Variants in FMNL3 observed in about 807,000 individuals in gnomAD.
The protein encoded by FMNL3 is formin-like protein 3.
FMNL3 carries 57 observed loss-of-function variants against 119.6 expected under a neutral mutation model. The ratio of observed to expected loss-of-function variants is 0.48; its 90% CI spans 0.39 to 0.59. The LOEUF is 0.59. FMNL3 is among the 20% of genes least tolerant of loss of function. The probability of loss-of-function intolerance (pLI) is 0.00; values close to 1 mark genes in which losing one functional copy is unlikely to be tolerated. For missense variants in FMNL3, 1,053 were observed against 1,323.5 expected (o/e 0.80, Z 3.17); for synonymous variants, 491 against 507.3 (o/e 0.97, Z 0.43).
intron 25 of FMNL3, chr12:49,646,530 G>C (rs567895090): frequency 2.8e-5 from 23 of 825,048 alleles, no homozygotes; most frequent in Non-Finnish European, 3.5e-5. Context: ...ATTGCTGGGA[G>C]GCTGCCAGAG....
At chr12:49,674,662 T>C (rs541391816) in intron 1 of FMNL3, among the ~76,000 whole-genome samples, 1 of 152,346 alleles carries the variant, frequency 6.6e-6, no homozygotes, top group South Asian at 2.1e-4. Flanking sequence ...TAAGTGTCTG[T>C]AGTATCTTAG....
rs1941868864 is a variant in FMNL3 at position 49,636,777 on chromosome 12, AGAG to A, written c.*9035_*9037del. ...AGCACATCCGAGCTTTGGAGAGGGA[AGAG>A]GAGGAGGAACGGGAGCGGGCCCGGC... On this transcript the variant is annotated 3_prime_UTR_variant, in exon 26 of 26. Transcript: ENST00000335154. 6.2e-7 allele frequency: 1 copy of A among 1,614,104 alleles called. No homozygotes were observed. Among genetic ancestry groups the A allele is most frequent in the African/African-American group, 1.3e-5 (1 of 74,932 alleles).
intron 21 of FMNL3, 46 bp downstream of exon 21, chr12:49,648,983 C>T: frequency 6.5e-7 from 1 of 1,546,904 alleles, no homozygotes; most frequent in Non-Finnish European, 8.7e-7. Context: ...TGGGATTGTC[C>T]TGGGCTGGAT....
intron 1 of FMNL3, among the ~76,000 whole-genome samples, chr12:49,676,533 T>G (rs563833341): frequency 0.029 from 4,335 of 149,680 alleles, 89 homozygotes; most frequent in Middle Eastern, 0.078. Context: ...TTTTTTTTTT[T>G]TTTTTTTTTT....
rs201024261 is a variant in FMNL3 at position 49,642,039 on chromosome 12, G to A, written c.*3776C>T. Reference sequence around the variant, plus strand: ...CCTTCAATAGTGTGAGGGGCTGGGCGGGGCGTGGGAAGTTCTCTAATTCAT... The same window carrying A: ...CCTTCAATAGTGTGAGGGGCTGGGCAGGGCGTGGGAAGTTCTCTAATTCAT... On this transcript the variant is annotated 3_prime_UTR_variant, in exon 26 of 26. Coordinates refer to ENST00000335154, the MANE Select transcript of FMNL3 (RefSeq NM_175736.5). The surrounding 1 kb of genome is among the most constrained non-coding windows in gnomAD (Gnocchi z 5.8). 21 of 1,609,846 alleles carry A rather than the reference G, an allele frequency of 1.3e-5. No homozygotes were observed. The highest frequency in any genetic ancestry group is 4.5e-5 in the East Asian group (2 of 44,886).
intron 1 of FMNL3, among the ~76,000 whole-genome samples, chr12:49,685,522 G>T (rs1416837787): frequency 6.6e-6 from 1 of 152,016 alleles, no homozygotes; most frequent in African/African-American, 2.4e-5. Context: ...GTGCTAAAGG[G>T]CAGGCCAACA....
chr12:49,637,411 C>A lies in FMNL3; in HGVS notation c.*8404G>T. ...CTCTGCCATTCCCTCTCTTCCCCCTCAGTCTGTGGCTCTGCCTCCCTGTCT... is the reference window on the plus strand; with the variant it reads ...CTCTGCCATTCCCTCTCTTCCCCCTAAGTCTGTGGCTCTGCCTCCCTGTCT... On this transcript the variant is annotated 3_prime_UTR_variant, in exon 26 of 26. Transcript: ENST00000335154. The A allele has an allele frequency of 8.5e-7, 1 of 1,177,756 alleles. No individual in the cohort carries two copies. The highest frequency in any genetic ancestry group is 1.3e-6 in the Non-Finnish European group (1 of 794,580). 73.0% of individuals were successfully genotyped at this position (1,177,756 alleles called of 1,614,324 possible). A position where few individuals can be genotyped will look rare whatever the true frequency, so the allele number is the denominator to read the frequency against.
chr12:49,654,357 G>A, intron 10 of FMNL3, 55 bp from the exon 11 acceptor site: 1 of 1,449,236 alleles, frequency 6.9e-7, no homozygotes, highest in Non-Finnish European at 9.7e-7. Flanking sequence ...GGAAAGGCAA[G>A]AGACCAGGAG....
At chr12:49,705,188 A>G (rs1034942542) in intron 1 of FMNL3, among the ~76,000 whole-genome samples, 3 of 152,220 alleles carry the variant, frequency 2.0e-5, no homozygotes, top group Non-Finnish European at 2.9e-5. Context: ...GCAGCAGCTC[A>G]GGCACACAGA....
At chr12:49,664,336 T>C (rs1341760850) in intron 4 of FMNL3, among the ~76,000 whole-genome samples, 1 of 152,144 alleles carries the variant, frequency 6.6e-6, no homozygotes, top group East Asian at 1.9e-4. Flanking sequence ...GCCCTGGAAG[T>C]TGAGGCTGCA....
chr12:49,684,928 A>G (rs1003035290), intron 1 of FMNL3, among the ~76,000 whole-genome samples: 1 of 152,216 alleles, frequency 6.6e-6, no homozygotes, highest in Non-Finnish European at 1.5e-5. Context: ...AAGGGGCCCA[A>G]GCATACTCTG....
chr12:49,648,927 A>C, intron 21 of FMNL3, 102 bp downstream of exon 21: 1 of 1,486,164 alleles, frequency 6.7e-7, no homozygotes, highest in Non-Finnish European at 9.0e-7. Flanking sequence ...AGATAACAAA[A>C]GCCAGAAACA....
rs1003894620 is a variant in FMNL3, at chr12:49,703,780, A to C, written c.126+3275T>G. Among the ~76,000 whole-genome samples the C allele has an allele frequency of 3.3e-5, 5 of 152,154 alleles. No individual in the cohort carries two copies. The East Asian group carries it at 5.8e-4, about 18-fold the overall frequency. On this transcript the variant is annotated intron_variant, in intron 1 of 25. Transcript: ENST00000335154. Reference sequence around the variant, plus strand: ...GCTCTTCAACTTTGGCTGACAGATCATGTGTCTAGAACAGAAGGCTGGGAG... The same window carrying C: ...GCTCTTCAACTTTGGCTGACAGATCCTGTGTCTAGAACAGAAGGCTGGGAG...
chr12:49,705,790 C>A (rs1945032996), intron 1 of FMNL3, among the ~76,000 whole-genome samples: 2 of 152,218 alleles, frequency 1.3e-5, no homozygotes, highest in Admixed American at 1.3e-4. Context: ...GCCAGCGACA[C>A]CACTTCCCCT....
At position 49,647,465 on chromosome 12, in the gene FMNL3, GC is replaced by G; in HGVS notation, c.2779-98del. ...TGGAGAGTGGGTGGCAGTGGGACCC[GC>G]TAACTCCAGGTGGCCACCCTCTGGA... is the stretch of plus-strand genomic sequence containing the variant. On this transcript the variant is annotated intron_variant, in intron 23 of 25. Coordinates refer to ENST00000335154, the MANE Select transcript of FMNL3 (RefSeq NM_175736.5). The surrounding 1 kb of genome is among the most constrained non-coding windows in gnomAD (Gnocchi z 4.9). 1 of 1,348,962 alleles carries G rather than the reference GC, an allele frequency of 7.4e-7. No homozygotes were observed. Among genetic ancestry groups the G allele is most frequent in the South Asian group, 1.2e-5 (1 of 85,234 alleles). The allele number at this position is 1,348,962 out of a possible 1,614,324, so 83.6% of individuals were successfully genotyped here. A position where few individuals can be genotyped will look rare whatever the true frequency, so the allele number is the denominator to read the frequency against.
chr12:49,649,526 T>G lies in FMNL3; in HGVS notation c.2248A>C (p.Ile750Leu), dbSNP rs1166957299. ...LQMLTPQLNA[I>L]IAASASVKSS... ...TTGACGGAAGCGGACGCCGCAATGA[T>G]GGCATTGAGTTGCTGTAGGACAATA... Residue 750 changes from isoleucine to leucine, a missense_variant, in exon 19 of 26, where the codon ATC becomes CTC. By Grantham distance (5) the Ile-to-Leu change is conservative. This residue lies in a region of FMNL3 where 324 missense variants were observed against 380.9 expected (regional missense o/e 0.85). Coordinates refer to ENST00000335154, the MANE Select transcript of FMNL3 (RefSeq NM_175736.5). The surrounding 1 kb of genome is among the most constrained non-coding windows in gnomAD (Gnocchi z 5.6). 5.6e-6 allele frequency: 9 copies of G among 1,614,062 alleles called. No individual in the cohort carries two copies. Among genetic ancestry groups the G allele is most frequent in the African/African-American group, 2.7e-5 (2 of 74,922 alleles).
Position 49,636,830 on chromosome 12 carries a change from A to G in FMNL3, c.*8985T>C, listed in dbSNP as rs1941878980. ...CTTCGGGAGCGACGCCAACAACGCA[A>G]GAATCGGGAGGCCTTCCAGGTATCT... On this transcript the variant is annotated 3_prime_UTR_variant, in exon 26 of 26. Coordinates refer to ENST00000335154, the MANE Select transcript of FMNL3 (RefSeq NM_175736.5). 3 of 1,614,096 alleles carry G rather than the reference A, an allele frequency of 1.9e-6. No homozygotes were observed. Among genetic ancestry groups the G allele is most frequent in the South Asian group, 2.2e-5 (2 of 91,078 alleles).
chr12:49,669,651 G>A (rs1320407959), intron 1 of FMNL3, among the ~76,000 whole-genome samples: 1 of 151,988 alleles, frequency 6.6e-6, no homozygotes, highest in Non-Finnish European at 1.5e-5. Context: ...GGCCAACATT[G>A]CAAAATCCCA....
chr12:49,677,168 G>T (rs1322290371), intron 1 of FMNL3, among the ~76,000 whole-genome samples: 2 of 152,202 alleles, frequency 1.3e-5, no homozygotes, highest in African/African-American at 4.8e-5. Context: ...AATGACAGTA[G>T]TAACATCCAC....
Sources: gnomAD v4.1 joint callset for allele counts (sites outside exome capture counted in the v4.1 genomes callset) on GRCh38, gnomAD v4.1.1 for gene constraint, gnomAD v4.1.1 regional missense constraint, Gnocchi (gnomAD v3.1) non-coding constraint, MANE v1.5 for transcripts, NCBI Gene and HGNC (gene_info 2026-07-23, HGNC 2026-07-21) for gene names.